NCAM2: variants seen among roughly 807,000 people sequenced by gnomAD.
NCAM2 encodes the protein N-CAM-2.
In NCAM2, 30 loss-of-function variants were observed where a neutral mutation model predicts 98.1. The ratio of observed to expected loss-of-function variants is 0.31; its 90% CI spans 0.23 to 0.41. NCAM2 has a LOEUF of 0.41. Ranked by LOEUF, NCAM2 falls within the 10% of genes least tolerant of loss-of-function variation. NCAM2 has a pLI of 1.00. For missense variants in NCAM2, 867 were observed against 1,005.8 expected, an observed-to-expected ratio of 0.86 and a Z score of 1.87; for synonymous variants, 368 against 342.4, an observed-to-expected ratio of 1.07 and a Z score of -0.83.
intron 1 of NCAM2, among the ~76,000 whole-genome samples, chr21:21,228,630 T>G (rs967946066): frequency 1.3e-5 from 2 of 151,508 alleles, no homozygotes; most frequent in African/African-American, 2.4e-5. Flanking sequence ...ATACAGTTCA[T>G]GTAAAACTTT....
At chr21:21,199,788 C>A (rs919518232) in intron 1 of NCAM2, among the ~76,000 whole-genome samples, 2 of 152,062 alleles carry the variant, frequency 1.3e-5, no homozygotes, top group African/African-American at 4.8e-5. Flanking sequence ...TTGTCCTGTT[C>A]TATAATCGTA....
intron 8 of NCAM2, among the ~76,000 whole-genome samples, chr21:21,360,506 A>G (rs886591558): frequency 6.6e-6 from 1 of 151,998 alleles, no homozygotes; most frequent in African/African-American, 2.4e-5. Context: ...ATATCTACTT[A>G]TAAGATAATG....
chr21:21,013,513 G>GA (rs2064247102), intron 1 of NCAM2, among the ~76,000 whole-genome samples: 1 of 152,194 alleles, frequency 6.6e-6, no homozygotes, highest in Admixed American at 6.5e-5. Context: ...CGGACGTGGT[G>GA]GCTCACACCT....
intron 9 of NCAM2, among the ~76,000 whole-genome samples, chr21:21,380,803 T>G (rs1175115008): frequency 1.3e-5 from 2 of 152,226 alleles, no homozygotes; most frequent in African/African-American, 4.8e-5. Flanking sequence ...GGTAATGTGT[T>G]TGCAGTTTCC....
intron 16 of NCAM2, among the ~76,000 whole-genome samples, chr21:21,520,987 A>G (rs970174824): frequency 1.3e-5 from 2 of 152,264 alleles, no homozygotes; most frequent in African/African-American, 4.8e-5. Context: ...GTTTCTGGAA[A>G]TAGAAGGGGG....
intron 1 of NCAM2, among the ~76,000 whole-genome samples, chr21:21,050,198 A>G (rs1390456138): frequency 1.3e-5 from 2 of 152,100 alleles, no homozygotes; most frequent in African/African-American, 4.8e-5. Flanking sequence ...CTCGATTTGC[A>G]TTTCACACAC....
chr21:21,533,166 C>CTTTTTTTTTTTTTTTTTTTT lies in NCAM2; in HGVS notation c.2283-1358_2283-1357insTTTTTTTTTTTTTTTTTTTT, dbSNP rs201532023. Among the ~76,000 whole-genome samples the CTTTTTTTTTTTTTTTTTTTT allele has an allele frequency of 7.5e-5, 7 of 93,798 alleles. 1 individual carries two copies. Among genetic ancestry groups the CTTTTTTTTTTTTTTTTTTTT allele is most frequent in the Non-Finnish European group, 1.5e-4 (7 of 48,244 alleles). The allele number at this position is 93,798 out of a possible 152,430, so 61.5% of individuals were successfully genotyped here. ...CCATTGTAGATTTGTTGTTTGCTTG[C>CTTTTTTTTTTTTTTTTTTTT]TTTTTTTTTTTTTGGTAATCCTAGT... On this transcript the variant is annotated intron_variant, in intron 16 of 17. Transcript: ENST00000400546.
At chr21:21,221,244 A>T (rs1256013055) in intron 1 of NCAM2, among the ~76,000 whole-genome samples, 1 of 152,086 alleles carries the variant, frequency 6.6e-6, no homozygotes, top group African/African-American at 2.4e-5. Flanking sequence ...TCTCCAACAC[A>T]TAATAATATT....
chr21:21,383,826 T>G, intron 9 of NCAM2, among the ~76,000 whole-genome samples: 1 of 152,228 alleles, frequency 6.6e-6, no homozygotes, highest in South Asian at 2.1e-4. Flanking sequence ...TTTTTAAAAT[T>G]TATTTTTCAC....
At chr21:21,373,533 T>C (rs74880469) in intron 8 of NCAM2, among the ~76,000 whole-genome samples, 2,690 of 151,918 alleles carry the variant, frequency 0.018, 79 homozygotes, top group East Asian at 0.14. Flanking sequence ...ATCCAAATTG[T>C]AAAGTGTGCT....
intron 9 of NCAM2, among the ~76,000 whole-genome samples, chr21:21,401,598 A>G (rs773722251): frequency 5.9e-5 from 9 of 152,340 alleles, no homozygotes; most frequent in Admixed American, 1.3e-4. Context: ...CACTTAAGAT[A>G]ACATCCTCCA....
At chr21:21,437,677 G>C (rs1442747833) in intron 12 of NCAM2, among the ~76,000 whole-genome samples, 10 of 151,938 alleles carry the variant, frequency 6.6e-5, no homozygotes, top group Non-Finnish European at 1.5e-5. Flanking sequence ...CCAGAAAACT[G>C]CCACAATTTA....
chr21:21,410,572 A>G, intron 10 of NCAM2, 111 bp downstream of exon 10: 2 of 560,412 alleles, frequency 3.6e-6, no homozygotes, highest in Non-Finnish European at 5.5e-6. Context: ...AAGAGAGAGA[A>G]ATCATGGTGT....
chr21:21,406,795 C>T (rs560714051), intron 9 of NCAM2, among the ~76,000 whole-genome samples: 18 of 152,270 alleles, frequency 1.2e-4, no homozygotes, highest in African/African-American at 4.1e-4. Flanking sequence ...TTAAGATATG[C>T]TTCCATAACT....
At chr21:21,530,120 T>A (rs561095294) in intron 16 of NCAM2, among the ~76,000 whole-genome samples, 29,324 of 125,492 alleles carry the variant, frequency 0.23, 4,859 homozygotes, top group Admixed American at 0.29. Context: ...TTAATTTAAT[T>A]TAATTATATA....
At chr21:21,332,701 C>A (rs114219698) in intron 6 of NCAM2, among the ~76,000 whole-genome samples, 2 of 152,100 alleles carry the variant, frequency 1.3e-5, no homozygotes, top group Admixed American at 6.6e-5. Context: ...TTGACCTCCC[C>A]CAACTGCACA....
chr21:21,407,222 T>C (rs192065975), intron 9 of NCAM2, among the ~76,000 whole-genome samples: 1 of 152,378 alleles, frequency 6.6e-6, no homozygotes, highest in East Asian at 1.9e-4. Context: ...TGCCAGTGAA[T>C]ATCGCTGCCT....
chr21:21,426,019 T>C (rs547973932), intron 11 of NCAM2, among the ~76,000 whole-genome samples: 3 of 152,044 alleles, frequency 2.0e-5, no homozygotes, highest in African/African-American at 7.2e-5. Flanking sequence ...ATTGTTTTTA[T>C]AGATGGTGCC....
intron 13 of NCAM2, among the ~76,000 whole-genome samples, chr21:21,468,176 G>A: frequency 6.6e-6 from 1 of 151,858 alleles, no homozygotes; most frequent in East Asian, 1.9e-4. Flanking sequence ...ATTCAAATTT[G>A]CACCCAGGAA....
Sources: gnomAD v4.1 joint callset for allele counts (sites outside exome capture counted in the v4.1 genomes callset) on GRCh38, gnomAD v4.1.1 for gene constraint, MANE v1.5 for transcripts, NCBI Gene and HGNC (gene_info 2026-07-23, HGNC 2026-07-21) for gene names.